The following RFX3 variants were observed in gnomAD, a reference collection of about 807,000 sequenced individuals.
RFX3 encodes the protein transcription factor RFX3.
RFX3 carries 14 observed loss-of-function variants against 98.6 expected under a neutral mutation model. The observed-to-expected ratio is 0.14, with a 90% CI of 0.09 to 0.22. The LOEUF (loss-of-function observed/expected upper bound fraction) is 0.22. RFX3 is among the 10% of genes least tolerant of loss of function. The probability of loss-of-function intolerance (pLI) is 1.00; values close to 1 mark genes in which losing one functional copy is unlikely to be tolerated. For missense variants in RFX3, 639 were observed against 926.9 expected (o/e 0.69, Z 4.03); for synonymous variants, 383 against 328.4 (o/e 1.17, Z -1.80).
chr9:3,278,707 T>C (rs145713196), intron 7 of RFX3, among the ~76,000 whole-genome samples: 5 of 151,988 alleles, frequency 3.3e-5, no homozygotes, highest in East Asian at 1.9e-4. Context: ...ATGTTATCAA[T>C]TGCAACTCAG....
intron 3 of RFX3, among the ~76,000 whole-genome samples, chr9:3,344,039 G>T (rs994001820): frequency 6.6e-6 from 1 of 152,104 alleles, no homozygotes; most frequent in African/African-American, 2.4e-5. Context: ...ATGAATGAAT[G>T]AATTCATTCA....
chr9:3,408,402 G>C (rs767301812), intron 1 of RFX3, among the ~76,000 whole-genome samples: 28 of 152,126 alleles, frequency 1.8e-4, no homozygotes, highest in Non-Finnish European at 4.1e-4. Context: ...TGCATGCCAA[G>C]TAATTCAGCA....
intron 14 of RFX3, among the ~76,000 whole-genome samples, chr9:3,255,344 A>G (rs1586758177): frequency 6.6e-6 from 1 of 152,226 alleles, no homozygotes. Flanking sequence ...CCTACATTCT[A>G]TTACTCATTC....
intron 1 of RFX3, among the ~76,000 whole-genome samples, chr9:3,479,679 G>A (rs930436591): frequency 3.3e-5 from 5 of 152,188 alleles, no homozygotes. Flanking sequence ...GTAAAAGTGA[G>A]GAGGAAAGCC....
chr9:3,292,405 T>G (rs908206334), intron 6 of RFX3, among the ~76,000 whole-genome samples: 3 of 152,172 alleles, frequency 2.0e-5, no homozygotes, highest in African/African-American at 2.4e-5. Context: ...TTCTTCACAT[T>G]GTTTCAATTC....
intron 15 of RFX3, among the ~76,000 whole-genome samples, chr9:3,232,319 G>A (rs1056327638): frequency 1.3e-5 from 2 of 152,124 alleles, no homozygotes; most frequent in South Asian, 2.1e-4. Context: ...AACAGACTGC[G>A]AGTGTCACAC....
At chr9:3,496,138 T>C (rs1587858253) in intron 1 of RFX3, among the ~76,000 whole-genome samples, 1 of 152,004 alleles carries the variant, frequency 6.6e-6, no homozygotes, top group Non-Finnish European at 1.5e-5. Flanking sequence ...CTTCTGCTCA[T>C]ACAGATTTTT....
At chr9:3,294,861 G>A (rs527839298) in intron 5 of RFX3, among the ~76,000 whole-genome samples, 145 of 152,136 alleles carry the variant, frequency 9.5e-4, no homozygotes, top group Non-Finnish European at 1.9e-3. Context: ...ACACATATAC[G>A]AATGAATATG....
chr9:3,232,833 G>C (rs576253051), intron 15 of RFX3, among the ~76,000 whole-genome samples: 1 of 151,664 alleles, frequency 6.6e-6, no homozygotes, highest in African/African-American at 2.4e-5. Flanking sequence ...AGAGAGGGAG[G>C]GGAGGGAGGG....
At chr9:3,344,268 G>C (rs867716809) in intron 3 of RFX3, among the ~76,000 whole-genome samples, 1 of 152,180 alleles carries the variant, frequency 6.6e-6, no homozygotes, top group Non-Finnish European at 1.5e-5. Flanking sequence ...GTTACAGTTT[G>C]AGTATCCTAT....
intron 15 of RFX3, among the ~76,000 whole-genome samples, chr9:3,241,846 T>C (rs655670): frequency 0.91 from 138,084 of 152,182 alleles, 62,733 homozygotes; most frequent in East Asian, 0.97. Flanking sequence ...ATATTCTAAA[T>C]ATCTACTAAC....
At chr9:3,394,903 A>G in intron 2 of RFX3, 1 of 888,594 alleles carries the variant, frequency 1.1e-6, no homozygotes. Flanking sequence ...GACCTGTAGT[A>G]AATATCTGAT....
intron 1 of RFX3, among the ~76,000 whole-genome samples, chr9:3,457,747 T>G (rs936680768): frequency 6.6e-6 from 1 of 152,134 alleles, no homozygotes; most frequent in East Asian, 1.9e-4. Flanking sequence ...TATTTCACTT[T>G]AAGGAACTCC....
intron 14 of RFX3, among the ~76,000 whole-genome samples, chr9:3,252,443 T>A (rs1312218642): frequency 1.3e-5 from 2 of 152,160 alleles, no homozygotes; most frequent in Admixed American, 6.5e-5. Flanking sequence ...TTGGGGTATC[T>A]AGAAAATTCT....
intron 1 of RFX3, among the ~76,000 whole-genome samples, chr9:3,414,333 T>A (rs1252207815): frequency 5.3e-5 from 8 of 152,018 alleles, no homozygotes; most frequent in Admixed American, 4.6e-4. Context: ...TATGAGAATG[T>A]CAATCTTAAG....
chr9:3,341,672 T>C (rs1833905059), intron 3 of RFX3, among the ~76,000 whole-genome samples: 1 of 152,192 alleles, frequency 6.6e-6, no homozygotes, highest in Non-Finnish European at 1.5e-5. Flanking sequence ...TGGGCCATTG[T>C]TTTAGGTATT....
intron 1 of RFX3, among the ~76,000 whole-genome samples, chr9:3,405,078 C>A (rs1323331267): frequency 6.6e-6 from 1 of 152,172 alleles, no homozygotes; most frequent in African/African-American, 2.4e-5. Context: ...AAATTAATGA[C>A]AATCTCTTTT....
At chr9:3,452,310 G>A in intron 1 of RFX3, 1 of 244,182 alleles carries the variant, frequency 4.1e-6, no homozygotes, top group South Asian at 3.7e-5. Flanking sequence ...ACAACTAATG[G>A]CCAGGCACAT....
rs141795031 is a variant in RFX3 at position 3,257,017 on chromosome 9, C to T, written c.1788G>A (p.Gln596=). The part of the protein sequence containing the change: ...GRPSFPKAAR[Q]FLLKWSFYSS... ...TGTAGAAAGACCATTTTAGCAGAAA[C>T]TGCCTGGCGGCTTTAGGAAAACTGG... Residue 596 remains glutamine, a synonymous_variant, in exon 14 of 17, where the codon CAG becomes CAA. Transcript: ENST00000617270. The T allele has an allele frequency of 1.2e-6, 2 of 1,614,074 alleles. No individual in the cohort carries two copies. Among genetic ancestry groups the T allele is most frequent in the African/African-American group, 2.7e-5 (2 of 75,018 alleles).
Sources: allele counts gnomAD v4.1 joint callset (sites outside exome capture counted in the v4.1 genomes callset), GRCh38; gene constraint gnomAD v4.1.1; transcripts MANE v1.5; gene names NCBI Gene and HGNC (gene_info 2026-07-23, HGNC 2026-07-21).